The following STT3B variants were observed in gnomAD, a reference collection of about 807,000 sequenced individuals.
STT3B encodes the protein STT3 oligosaccharyltransferase complex catalytic subunit B, also known as dolichyl-diphosphooligosaccharide--protein glycosyltransferase subunit STT3B.
In STT3B, 29 loss-of-function variants were observed where a neutral mutation model predicts 96.8. That is an observed-to-expected ratio of 0.30 (90% confidence interval 0.22 to 0.41). STT3B has a LOEUF of 0.41. STT3B is among the 10% of genes least tolerant of loss of function. STT3B has a pLI of 1.00. For synonymous variants in STT3B, 367 were observed against 360.0 expected, an observed-to-expected ratio of 1.02 and a Z score of -0.22; for missense variants, 640 against 1,022.3, an observed-to-expected ratio of 0.63 and a Z score of 5.10.
At position 31,586,635 on chromosome 3, in the gene STT3B, T is replaced by C. The variant is rs534450587; in HGVS notation, c.711+6539T>C. On this transcript the variant is annotated intron_variant, in intron 3 of 15. Transcript: ENST00000295770. ...TTCCAACATCATGTGTTGAAAAGAT[T>C]GTTCTTTCTCCACTGAATTATCTGC... Among the ~76,000 whole-genome samples the C allele has an allele frequency of 3.9e-5, 6 of 152,242 alleles. No homozygotes were observed. In the East Asian group the frequency reaches 9.6e-4, roughly 24 times the overall value.
intron 2 of STT3B, among the ~76,000 whole-genome samples, chr3:31,579,347 A>C (rs905903517): frequency 3.3e-5 from 5 of 151,716 alleles, no homozygotes; most frequent in Admixed American, 1.3e-4. Flanking sequence ...AATATGACTT[A>C]AATAATTTTG....
In STT3B at chr3:31,576,507, A is replaced by G; in HGVS notation, c.423+3A>G. 1 of 1,467,660 alleles carries G rather than the reference A, an allele frequency of 6.8e-7. No homozygotes were observed. Among genetic ancestry groups the G allele is most frequent in the Non-Finnish European group, 9.4e-7 (1 of 1,065,652 alleles). The allele number at this position is 1,467,660 out of a possible 1,614,324, so 90.9% of individuals were successfully genotyped here. On this transcript the variant is annotated splice_donor_region_variant and intron_variant, in intron 2 of 15. Coordinates refer to ENST00000295770, the MANE Select transcript of STT3B (RefSeq NM_178862.3). ...TAGGAAGAATAGTAGGTGGTACTGT[A>G]AGTATATTAGCAGTTCTTTATGTTA...
chr3:31,569,060 A>G (rs141066888), intron 1 of STT3B, among the ~76,000 whole-genome samples: 209 of 152,158 alleles, frequency 1.4e-3, no homozygotes, highest in African/African-American at 4.9e-3. Flanking sequence ...CCCAGGCTGG[A>G]GAACAGTGGT....
At chr3:31,630,535 A>C (rs1219148015) in intron 14 of STT3B, among the ~76,000 whole-genome samples, 1 of 152,220 alleles carries the variant, frequency 6.6e-6, no homozygotes, top group African/African-American at 2.4e-5. Context: ...TGTGCGCCGA[A>C]CGTCTTAATA....
At chr3:31,617,703 T>G (rs1258173742) in intron 7 of STT3B, among the ~76,000 whole-genome samples, 3 of 152,000 alleles carry the variant, frequency 2.0e-5, no homozygotes, top group Non-Finnish European at 4.4e-5. Flanking sequence ...TTCTACAACT[T>G]TATCTCAAAT....
chr3:31,574,850 T>C (rs1274114807), intron 1 of STT3B, among the ~76,000 whole-genome samples: 2 of 152,128 alleles, frequency 1.3e-5, no homozygotes, highest in African/African-American at 2.4e-5. Flanking sequence ...TGAAATGTAT[T>C]GGGATGTGTA....
intron 1 of STT3B, among the ~76,000 whole-genome samples, chr3:31,551,743 T>C (rs893424419): frequency 4.6e-5 from 7 of 152,212 alleles, no homozygotes; most frequent in African/African-American, 1.7e-4. Context: ...AACAGAGTGA[T>C]AGACAGAGTC....
chr3:31,577,695 G>C (rs1698292346), intron 2 of STT3B, among the ~76,000 whole-genome samples: 1 of 152,036 alleles, frequency 6.6e-6, no homozygotes, highest in Non-Finnish European at 1.5e-5. Flanking sequence ...TCTTATCCTT[G>C]ATGTAAATAG....
rs543654933 is a variant in STT3B, at chr3:31,547,503, G to A, written c.314+14191G>A. Among the ~76,000 whole-genome samples the A allele has an allele frequency of 1.9e-3, 296 of 152,092 alleles. 3 individuals are homozygous for A. Among genetic ancestry groups the A allele is most frequent in the African/African-American group, 6.8e-3 (281 of 41,482 alleles). On this transcript the variant is annotated intron_variant, in intron 1 of 15. Coordinates refer to ENST00000295770, the MANE Select transcript of STT3B (RefSeq NM_178862.3). ...CTACTAAAAATACAAAAAATCAGCC[G>A]GGCATGGTGGTGCATGCCTGTAATC... is the stretch of plus-strand genomic sequence containing the variant.
chr3:31,538,497 T>C (rs1412340050), intron 1 of STT3B, among the ~76,000 whole-genome samples: 1 of 152,082 alleles, frequency 6.6e-6, no homozygotes, highest in African/African-American at 2.4e-5. Context: ...TAGATGGATA[T>C]TGATGTTGAT....
Position 31,637,091 on chromosome 3 carries a change from C to T in STT3B, c.*1027C>T, listed in dbSNP as rs934845550. On this transcript the variant is annotated 3_prime_UTR_variant, in exon 16 of 16. Coordinates refer to ENST00000295770, the MANE Select transcript of STT3B (RefSeq NM_178862.3). ...ATGAAACACTCTTTAGTGCTATATGCATTTTCTTACTTTTGTTAAAAATGT... is the reference window on the plus strand; with the variant it reads ...ATGAAACACTCTTTAGTGCTATATGTATTTTCTTACTTTTGTTAAAAATGT... 1 of 152,144 alleles carries T rather than the reference C, an allele frequency of 6.6e-6. No homozygotes were observed. Among genetic ancestry groups the T allele is most frequent in the African/African-American group, 2.4e-5 (1 of 41,442 alleles). 9.4% of individuals were successfully genotyped at this position (152,144 alleles called of 1,614,324 possible). A position where few individuals can be genotyped will look rare whatever the true frequency, so the allele number is the denominator to read the frequency against.
chr3:31,591,563 A>G (rs1222769059), intron 3 of STT3B, among the ~76,000 whole-genome samples: 1 of 152,116 alleles, frequency 6.6e-6, no homozygotes, highest in Non-Finnish European at 1.5e-5. Flanking sequence ...CAGAGAACGA[A>G]TTATGCATCT....
chr3:31,540,951 A>G (rs1328391560), intron 1 of STT3B, among the ~76,000 whole-genome samples: 1 of 152,148 alleles, frequency 6.6e-6, no homozygotes, highest in Admixed American at 6.5e-5. Flanking sequence ...TACCAGTAAC[A>G]CCTGTAGACT....
chr3:31,546,106 G>A (rs1009740515), intron 1 of STT3B, among the ~76,000 whole-genome samples: 2 of 152,066 alleles, frequency 1.3e-5, no homozygotes, highest in Admixed American at 6.6e-5. Context: ...GTTTTCTGAT[G>A]CATATGTGTG....
intron 1 of STT3B, among the ~76,000 whole-genome samples, chr3:31,543,067 C>CGAAAAA (rs374310709): frequency 9.1e-6 from 1 of 109,470 alleles, no homozygotes; most frequent in African/African-American, 3.7e-5. Context: ...CTCCATCTCA[C>CGAAAAA]AAAAAAAAAA....
At chr3:31,566,649 T>G (rs1274853273) in intron 1 of STT3B, among the ~76,000 whole-genome samples, 1 of 152,166 alleles carries the variant, frequency 6.6e-6, no homozygotes, top group African/African-American at 2.4e-5. Context: ...ACCCCCATCC[T>G]TAAAGACTTC....
chr3:31,634,546 A>C (rs945029519), intron 15 of STT3B, among the ~76,000 whole-genome samples: 1 of 152,226 alleles, frequency 6.6e-6, no homozygotes, highest in Non-Finnish European at 1.5e-5. Flanking sequence ...TACTAACACT[A>C]TGAAGGAATG....
intron 1 of STT3B, among the ~76,000 whole-genome samples, chr3:31,572,021 AATATATATTAATAT>A (rs1698158218): frequency 2.2e-5 from 1 of 45,238 alleles, no homozygotes; most frequent in Non-Finnish European, 1.0e-4. Flanking sequence ...TAAACATATT[AATATATATTAATAT>A]ATGATATATT....
rs1479157302 is a variant in STT3B, at chr3:31,541,938, T to C, written c.314+8626T>C. Among the ~76,000 whole-genome samples the C allele has an allele frequency of 3.9e-5, 6 of 152,296 alleles. No individual in the cohort carries two copies. In the East Asian group the frequency reaches 9.6e-4, roughly 24 times the overall value. On this transcript the variant is annotated intron_variant, in intron 1 of 15. Transcript: ENST00000295770. The stretch of plus-strand genomic sequence containing the variant: ...CCTGACGGGGTTGCCTGTTCTTTTA[T>C]AGCGGGAGGTGCCTCTAGGAAAGAG...
Sources: gnomAD v4.1 joint callset for allele counts (sites outside exome capture counted in the v4.1 genomes callset) on GRCh38, gnomAD v4.1.1 for gene constraint, MANE v1.5 for transcripts, NCBI Gene and HGNC (gene_info 2026-07-23, HGNC 2026-07-21) for gene names.